The following EXOC6B variants were observed in gnomAD, a reference collection of about 807,000 sequenced individuals.
EXOC6B encodes exocyst complex component 6B, also known as SEC15 homolog B.
A neutral mutation model predicts 113.5 loss-of-function variants in EXOC6B; 54 were observed. The ratio of observed to expected loss-of-function variants is 0.48; its 90% CI spans 0.38 to 0.60. The LOEUF (loss-of-function observed/expected upper bound fraction) is 0.60. EXOC6B is among the 20% of genes least tolerant of loss of function. The probability of loss-of-function intolerance (pLI) is 0.00; values close to 1 mark genes in which losing one functional copy is unlikely to be tolerated. For missense variants in EXOC6B, 797 were observed against 977.5 expected (o/e 0.82, Z 2.46); for synonymous variants, 357 against 339.0 (o/e 1.05, Z -0.58).
At chr2:72,689,045 T>C (rs559309755) in intron 6 of EXOC6B, among the ~76,000 whole-genome samples, 1 of 152,338 alleles carries the variant, frequency 6.6e-6, no homozygotes, top group East Asian at 1.9e-4. Context: ...ACTAAACTTA[T>C]GACTACCATT....
intron 6 of EXOC6B, among the ~76,000 whole-genome samples, chr2:72,595,242 C>G (rs992681467): frequency 3.3e-5 from 5 of 149,262 alleles, no homozygotes; most frequent in Non-Finnish European, 7.4e-5. Flanking sequence ...GCCTGGGCAA[C>G]AGAGCAAGAT....
At chr2:72,450,969 C>T (rs1696875846) in intron 18 of EXOC6B, among the ~76,000 whole-genome samples, 1 of 152,112 alleles carries the variant, frequency 6.6e-6, no homozygotes. Context: ...TGGACAACTG[C>T]TGAAGGGAAG....
intron 20 of EXOC6B, among the ~76,000 whole-genome samples, chr2:72,237,801 G>A (rs1682058460): frequency 6.6e-6 from 1 of 152,160 alleles, no homozygotes; most frequent in South Asian, 2.1e-4. Context: ...GACTTGAAGT[G>A]TGGATGGAGA....
rs146843258 is a variant in EXOC6B, at chr2:72,719,754, G to A, written c.465-1447C>T. Among the ~76,000 whole-genome samples, 186 of 152,282 alleles carry A rather than the reference G, an allele frequency of 1.2e-3. 1 individual carries two copies. The highest frequency in any genetic ancestry group is 6.1e-3 in the Admixed American group (94 of 15,302). Reference sequence around the variant, plus strand: ...GATAAACAAAGACAGAAAATTCCTTGCTAGCAGACCTGCCTTACAAGAAAT... The same window carrying A: ...GATAAACAAAGACAGAAAATTCCTTACTAGCAGACCTGCCTTACAAGAAAT... On this transcript the variant is annotated intron_variant, in intron 5 of 21. Transcript: ENST00000272427.
intron 18 of EXOC6B, among the ~76,000 whole-genome samples, chr2:72,449,463 G>A (rs1375849273): frequency 1.3e-5 from 2 of 148,962 alleles, no homozygotes; most frequent in African/African-American, 2.5e-5. Flanking sequence ...GAGCCACCGC[G>A]CCTGGCCAGC....
intron 1 of EXOC6B, among the ~76,000 whole-genome samples, chr2:72,758,456 C>A (rs982626404): frequency 7.2e-5 from 11 of 151,948 alleles, no homozygotes; most frequent in African/African-American, 2.7e-4. Context: ...AAACTCCCTA[C>A]AAACATCATA....
At chr2:72,390,864 T>C (rs1258031630) in intron 18 of EXOC6B, among the ~76,000 whole-genome samples, 2 of 152,204 alleles carry the variant, frequency 1.3e-5, no homozygotes, top group Admixed American at 6.5e-5. Flanking sequence ...GTTTGTTTGA[T>C]TGTTTGTCTG....
intron 6 of EXOC6B, among the ~76,000 whole-genome samples, chr2:72,592,272 T>C (rs1459635241): frequency 6.6e-6 from 1 of 152,140 alleles, no homozygotes; most frequent in Non-Finnish European, 1.5e-5. Context: ...CATTTGCCAA[T>C]ATTGGAGGGG....
At chr2:72,350,729 T>C (rs1689603921) in intron 19 of EXOC6B, among the ~76,000 whole-genome samples, 1 of 152,204 alleles carries the variant, frequency 6.6e-6, no homozygotes, top group African/African-American at 2.4e-5. Flanking sequence ...ATTTGAACTC[T>C]TAGGTACTGC....
intron 11 of EXOC6B, among the ~76,000 whole-genome samples, chr2:72,509,364 A>G (rs1293172988): frequency 3.3e-5 from 5 of 152,212 alleles, no homozygotes; most frequent in African/African-American, 1.2e-4. Flanking sequence ...CTAAGACAGT[A>G]GATTATCACA....
In EXOC6B at chr2:72,277,831, A is replaced by C. The variant is rs139802386; in HGVS notation, c.2196+57116T>G. 2.9e-3 allele frequency among the ~76,000 whole-genome samples: 390 copies of C among 134,798 alleles called. 5 individuals carry two copies. Among genetic ancestry groups the C allele is most frequent in the East Asian group, 0.011 (55 of 5,168 alleles). 88.4% of individuals were successfully genotyped at this position (134,798 alleles called of 152,430 possible). A position where few individuals can be genotyped will look rare whatever the true frequency, so the allele number is the denominator to read the frequency against. On this transcript the variant is annotated intron_variant, in intron 20 of 21. Transcript: ENST00000272427. ...TTGTAAGTAGCAAATCATTTCACCAAAATTAATTATACCCCATTTTTTTTT... is the reference window on the plus strand; with the variant it reads ...TTGTAAGTAGCAAATCATTTCACCACAATTAATTATACCCCATTTTTTTTT...
chr2:72,804,551 A>G (rs993752334), intron 1 of EXOC6B, among the ~76,000 whole-genome samples: 7 of 152,110 alleles, frequency 4.6e-5, no homozygotes, highest in Non-Finnish European at 1.0e-4. Context: ...CAAAATCTGA[A>G]TTTCTGGACC....
In EXOC6B at chr2:72,575,519, A is replaced by T. The variant is rs1704782290; in HGVS notation, c.819T>A (p.Asp273Glu). 1 of 1,606,318 alleles carries T rather than the reference A, an allele frequency of 6.2e-7. No individual in the cohort carries two copies. Among genetic ancestry groups the T allele is most frequent in the Non-Finnish European group, 8.5e-7 (1 of 1,177,478 alleles). Residue 273 changes from aspartate to glutamate, a missense_variant, in exon 7 of 22, where the codon GAT becomes GAA. Physicochemically the swap from Asp to Glu is conservative, Grantham distance 45. Transcript: ENST00000272427. ...CTTCATCATCTTCCTCGTCTTCAAC[A>T]TCCAGAATTCCTGAATCCTGTTCAG... is the stretch of plus-strand genomic sequence containing the variant. ...PKSEQDSGILDVEDEEDDEEV... is the reference protein window; with the variant it reads ...PKSEQDSGILEVEDEEDDEEV...
intron 7 of EXOC6B, among the ~76,000 whole-genome samples, chr2:72,560,842 TAA>T (rs201432418): frequency 5.0e-5 from 7 of 139,590 alleles, no homozygotes; most frequent in Admixed American, 7.2e-5. Flanking sequence ...AACTTTACTT[TAA>T]AAAAAAAAAA....
intron 18 of EXOC6B, among the ~76,000 whole-genome samples, chr2:72,384,212 T>C (rs147007167): frequency 6.6e-6 from 1 of 152,128 alleles, no homozygotes; most frequent in Non-Finnish European, 1.5e-5. Context: ...TGAGACTCTA[T>C]AGCTTTTCAA....
intron 20 of EXOC6B, among the ~76,000 whole-genome samples, chr2:72,264,467 A>C (rs2104595737): frequency 6.6e-6 from 1 of 152,268 alleles, no homozygotes; most frequent in East Asian, 1.9e-4. Context: ...GCTACTCGGG[A>C]GACTGAGGCA....
intron 20 of EXOC6B, among the ~76,000 whole-genome samples, chr2:72,298,478 C>T (rs915850285): frequency 6.6e-6 from 1 of 152,116 alleles, no homozygotes; most frequent in Non-Finnish European, 1.5e-5. Context: ...GCATTTAGCC[C>T]ATTTACATTT....
chr2:72,521,558 C>A (rs1701489075), intron 8 of EXOC6B, among the ~76,000 whole-genome samples: 1 of 152,176 alleles, frequency 6.6e-6, no homozygotes, highest in Non-Finnish European at 1.5e-5. Context: ...ATTGGCCCAA[C>A]AGAGAAAATT....
intron 1 of EXOC6B, among the ~76,000 whole-genome samples, chr2:72,760,922 G>A (rs912997499): frequency 1.1e-4 from 17 of 152,196 alleles, no homozygotes; most frequent in African/African-American, 3.9e-4. Context: ...GCTCATGCCT[G>A]TAATCCCAAC....
Sources: gnomAD v4.1 joint callset for allele counts (sites outside exome capture counted in the v4.1 genomes callset) on GRCh38, gnomAD v4.1.1 for gene constraint, MANE v1.5 for transcripts, NCBI Gene and HGNC (gene_info 2026-07-23, HGNC 2026-07-21) for gene names.